The following UBE2B variants were observed in gnomAD, a reference collection of about 807,000 sequenced individuals.
UBE2B encodes the protein ubiquitin conjugating enzyme E2 B.
A neutral mutation model predicts 24.6 loss-of-function variants in UBE2B; 11 were observed. That is an observed-to-expected ratio of 0.45 (90% CI 0.28 to 0.74). The LOEUF (loss-of-function observed/expected upper bound fraction) is 0.74, where lower values mean the gene tolerates loss of function less well. Ranked by LOEUF, UBE2B falls within the 30% of genes least tolerant of loss-of-function variation. The pLI is 0.13. For missense variants in UBE2B, 78 were observed against 185.6 expected (o/e 0.42, Z 3.37); for synonymous variants, 68 against 62.4 (o/e 1.09, Z -0.42).
intron 1 of UBE2B, among the ~76,000 whole-genome samples, chr5:134,372,058 G>A (rs1758456571): frequency 6.6e-6 from 1 of 152,184 alleles, no homozygotes. Context: ...TCACGGCCCC[G>A]CCGTCTTCTC....
intron 5 of UBE2B, among the ~76,000 whole-genome samples, chr5:134,389,360 T>C (rs1004772528): frequency 1.3e-5 from 2 of 152,194 alleles, no homozygotes; most frequent in African/African-American, 4.8e-5. Context: ...CCAAATTTAC[T>C]GTCAAGACAT....
At chr5:134,372,322 C>T (rs558311632) in intron 1 of UBE2B, among the ~76,000 whole-genome samples, 95 of 152,296 alleles carry the variant, frequency 6.2e-4, no homozygotes, top group African/African-American at 2.2e-3. Context: ...TATAGCCTCC[C>T]GAGTCTGGAA....
chr5:134,380,103 A>G (rs1023333974), intron 3 of UBE2B, among the ~76,000 whole-genome samples: 2 of 152,068 alleles, frequency 1.3e-5, no homozygotes, highest in Admixed American at 6.5e-5. Flanking sequence ...GTAGAGGTGG[A>G]GTTTGACCAC....
intron 5 of UBE2B, chr5:134,388,859 T>G: frequency 3.1e-6 from 1 of 325,038 alleles, no homozygotes; most frequent in Non-Finnish European, 5.9e-6. Context: ...GAGGGGTGTT[T>G]CGGTTTTGTG....
In UBE2B at chr5:134,385,316, A is replaced by T. The variant is rs541210506; in HGVS notation, c.242-3009A>T. Among the ~76,000 whole-genome samples the T allele has an allele frequency of 2.0e-5, 3 of 152,332 alleles. No individual in the cohort carries two copies. In the South Asian group the frequency reaches 6.2e-4, roughly 32 times the overall value. ...GGGAATACTGAGCACATGGATGGTA[A>T]CTGAGGCCACAGGAGTCAATAGGAT... On this transcript the variant is annotated intron_variant, in intron 4 of 5. Transcript: ENST00000265339.
At position 134,376,661 on chromosome 5, in the gene UBE2B, G is replaced by C. The variant is rs200403456; in HGVS notation, c.126-8G>C. 1.9e-6 allele frequency: 3 copies of C among 1,611,336 alleles called. No homozygotes were observed. Among genetic ancestry groups the C allele is most frequent in the East Asian group, 4.5e-5 (2 of 44,686 alleles). On this transcript the variant is annotated splice_polypyrimidine_tract_variant and splice_region_variant and intron_variant, in intron 2 of 5. Transcript: ENST00000265339. ...ACTTCTTTTAATCAGAAATCTTCTT[G>C]TTTTCAGACCAGAAGGGACACCTTT...
intron 3 of UBE2B, 26 bp from the exon 4 acceptor site, chr5:134,380,693 C>G (rs1758694051): frequency 7.5e-7 from 1 of 1,336,048 alleles, no homozygotes; most frequent in South Asian, 1.2e-5. Context: ...CTTGTCTTTA[C>G]TATAATTATT....
chr5:134,375,164 A>G lies in UBE2B; in HGVS notation c.125+701A>G, dbSNP rs36025780. Among the ~76,000 whole-genome samples, 1,089 of 152,342 alleles carry G rather than the reference A, an allele frequency of 7.1e-3. 9 individuals are homozygous for G. Among genetic ancestry groups the G allele is most frequent in the Non-Finnish European group, 0.012 (834 of 68,030 alleles). ...GGAGCTGTTAAAAGGTTTGGAACCA[A>G]AAATATTAAGAACTTCCACTGTGGC... On this transcript the variant is annotated intron_variant, in intron 2 of 5. Coordinates refer to ENST00000265339, the MANE Select transcript of UBE2B (RefSeq NM_003337.4).
At chr5:134,371,791 C>T (rs1758437703) in intron 1 of UBE2B, 152 bp downstream of exon 1, 1 of 1,159,484 alleles carries the variant, frequency 8.6e-7, no homozygotes, top group Non-Finnish European at 1.2e-6. Context: ...CTCGGCCCTA[C>T]TCCCATAAGC....
chr5:134,378,251 C>G (rs998638124), intron 3 of UBE2B, among the ~76,000 whole-genome samples: 1 of 152,006 alleles, frequency 6.6e-6, no homozygotes, highest in African/African-American at 2.4e-5. Flanking sequence ...CCTTGAGTAT[C>G]TATGTGGGTT....
intron 1 of UBE2B, among the ~76,000 whole-genome samples, chr5:134,373,522 G>A (rs569039040): frequency 2.0e-4 from 31 of 152,166 alleles, no homozygotes; most frequent in African/African-American, 5.8e-4. Flanking sequence ...TAGGGTACAT[G>A]TGCACAACGT....
intron 2 of UBE2B, 40 bp from the exon 3 acceptor site, chr5:134,376,629 A>G: frequency 6.2e-7 from 1 of 1,606,784 alleles, no homozygotes; most frequent in Non-Finnish European, 8.5e-7. Flanking sequence ...AAAAAGCAGA[A>G]TGAGAAACTT....
intron 2 of UBE2B, 54 bp downstream of exon 2, chr5:134,374,517 T>C: frequency 6.6e-7 from 1 of 1,522,062 alleles, no homozygotes; most frequent in Non-Finnish European, 8.9e-7. Context: ...TTAAGAAAAG[T>C]AAACATATAA....
intron 2 of UBE2B, among the ~76,000 whole-genome samples, chr5:134,376,339 A>AC (rs1342913170): frequency 1.4e-4 from 11 of 76,160 alleles, no homozygotes; most frequent in Non-Finnish European, 2.5e-4. Context: ...AAAAAAAAAA[A>AC]AAAAAAAAAA....
At position 134,391,139 on chromosome 5, in the gene UBE2B, A is replaced by G. The variant is rs926213942; in HGVS notation, c.*786A>G. The G allele has an allele frequency of 2.0e-5, 3 of 152,660 alleles. No individual in the cohort carries two copies. The highest frequency in any genetic ancestry group is 4.4e-5 in the Non-Finnish European group (3 of 68,038). 9.5% of individuals were successfully genotyped at this position (152,660 alleles called of 1,614,324 possible). ...GATGCGACTTGTTTTGCTGCTTGGT[A>G]GCACTTTAAAAAATTTTTTGATTAA... On this transcript the variant is annotated 3_prime_UTR_variant, in exon 6 of 6. Coordinates refer to ENST00000265339, the MANE Select transcript of UBE2B (RefSeq NM_003337.4).
intron 4 of UBE2B, among the ~76,000 whole-genome samples, chr5:134,386,346 A>G (rs1581326016): frequency 1.4e-5 from 2 of 145,504 alleles, no homozygotes; most frequent in Non-Finnish European, 1.5e-5. Flanking sequence ...AAAAAAAAAA[A>G]GGGCCGGGCA....
intron 4 of UBE2B, among the ~76,000 whole-genome samples, chr5:134,384,654 A>G (rs1401032537): frequency 6.6e-6 from 1 of 152,150 alleles, no homozygotes; most frequent in Non-Finnish European, 1.5e-5. Context: ...TCTGCTGAGT[A>G]CTTTTTTATA....
chr5:134,380,850 A>G, intron 4 of UBE2B, 42 bp downstream of exon 4: 2 of 1,370,912 alleles, frequency 1.5e-6, no homozygotes, highest in East Asian at 2.3e-5. Flanking sequence ...TAGTGGGGAA[A>G]AGAGTTGTTT....
intron 5 of UBE2B, among the ~76,000 whole-genome samples, chr5:134,389,313 A>G (rs968070259): frequency 1.1e-4 from 17 of 152,100 alleles, no homozygotes; most frequent in Non-Finnish European, 2.2e-4. Context: ...TGCTAAATGT[A>G]TATGTTTTGT....
Sources: allele counts gnomAD v4.1 joint callset (sites outside exome capture counted in the v4.1 genomes callset), GRCh38; gene constraint gnomAD v4.1.1; transcripts MANE v1.5; gene names NCBI Gene and HGNC (gene_info 2026-07-23, HGNC 2026-07-21).